The following NFIC variants were observed in gnomAD, a reference collection of about 807,000 sequenced individuals.
NFIC encodes nuclear factor I C, also known as nuclear factor 1 C-type.
A neutral mutation model predicts 54.4 loss-of-function variants in NFIC; 12 were observed. The ratio of observed to expected loss-of-function variants is 0.22; its 90% CI spans 0.14 to 0.36. The LOEUF (loss-of-function observed/expected upper bound fraction) is 0.36. NFIC is among the 10% of genes least tolerant of loss of function. NFIC has a pLI of 1.00. For missense variants in NFIC, 575 were observed against 718.2 expected, an observed-to-expected ratio of 0.80 and a Z score of 2.28; for synonymous variants, 322 against 319.2, an observed-to-expected ratio of 1.01 and a Z score of -0.09.
intron 2 of NFIC, among the ~76,000 whole-genome samples, chr19:3,419,813 A>AT (rs1333085704): frequency 6.9e-6 from 1 of 145,728 alleles, no homozygotes; most frequent in African/African-American, 2.5e-5. Flanking sequence ...AAAAAAAAAA[A>AT]TTTAATTTAA....
rs148812642 is a variant in NFIC at position 3,461,099 on chromosome 19, T to C, written c.1510-1653T>C. ...AAGATCGTGCCACTGCACTCCAGCC[T>C]GGTGACAAGAGCGTGACGCTGTCTC... On this transcript the variant is annotated intron_variant, in intron 10 of 10. Transcript: ENST00000443272. Among the ~76,000 whole-genome samples, 1,353 of 151,958 alleles carry C rather than the reference T, an allele frequency of 8.9e-3. 11 individuals carry two copies. The highest frequency in any genetic ancestry group is 0.015 in the Non-Finnish European group (1,049 of 67,968).
At chr19:3,454,607 C>A (rs2082523270) in intron 9 of NFIC, among the ~76,000 whole-genome samples, 1 of 151,902 alleles carries the variant, frequency 6.6e-6, no homozygotes, top group Non-Finnish European at 1.5e-5. Context: ...AGTGGCTCTA[C>A]CCCCAGACTC....
intron 4 of NFIC, 98 bp downstream of exon 4, chr19:3,433,690 C>A: frequency 7.6e-7 from 1 of 1,321,320 alleles, no homozygotes; most frequent in Non-Finnish European, 1.1e-6. Flanking sequence ...TTGTCCTTTC[C>A]AGACAACCCC....
Position 3,382,215 on chromosome 19 carries a change from C to A in NFIC, c.534C>A (p.Leu178=), listed in dbSNP as rs773822535. The change falls in exon 2 of 11, where the codon CTC becomes CTA. Residue 178 remains leucine (L), a synonymous_variant. Transcript: ENST00000443272. Reference sequence around the variant, plus strand: ...GCGTGGCCGTCAAGGAGCTGGACCTCTACCTGGCCTACTTCGTGCGTGAGC... The same window carrying A: ...GCGTGGCCGTCAAGGAGCTGGACCTATACCTGGCCTACTTCGTGCGTGAGC... ...HIGVAVKELD[L]YLAYFVRERD... is the part of the protein sequence containing the mutation. 37 of 1,606,076 alleles carry A rather than the reference C, an allele frequency of 2.3e-5. No individual in the cohort carries two copies. The South Asian group carries it at 4.1e-4, about 18-fold the overall frequency.
intron 10 of NFIC, among the ~76,000 whole-genome samples, chr19:3,457,491 G>A (rs1354566323): frequency 1.3e-5 from 2 of 152,108 alleles, no homozygotes; most frequent in East Asian, 1.9e-4. Context: ...GTGTGTGAGC[G>A]CGTCTTCGGG....
At chr19:3,402,882 G>C (rs1462733746) in intron 2 of NFIC, among the ~76,000 whole-genome samples, 1 of 152,194 alleles carries the variant, frequency 6.6e-6, no homozygotes, top group Non-Finnish European at 1.5e-5. Flanking sequence ...GAGTGAGGGG[G>C]AGAGAGGGAA....
At chr19:3,441,029 G>A (rs1470285997) in intron 6 of NFIC, among the ~76,000 whole-genome samples, 1 of 151,960 alleles carries the variant, frequency 6.6e-6, no homozygotes, top group African/African-American at 2.4e-5. Context: ...TGCCCAGGCT[G>A]GTCTTAAACT....
intron 6 of NFIC, among the ~76,000 whole-genome samples, chr19:3,441,097 A>T (rs1225912465): frequency 6.6e-6 from 1 of 152,184 alleles, no homozygotes; most frequent in Non-Finnish European, 1.5e-5. Context: ...GGTGTGAGCC[A>T]CCACACCCGG....
chr19:3,429,797 C>T (rs1423873686), intron 3 of NFIC, among the ~76,000 whole-genome samples: 4 of 152,200 alleles, frequency 2.6e-5, no homozygotes, highest in Non-Finnish European at 5.9e-5. Flanking sequence ...TGGCCTGCAA[C>T]TTGCCAAGTG....
At chr19:3,433,796 A>T (rs1251058348) in intron 4 of NFIC, among the ~76,000 whole-genome samples, 4 of 152,080 alleles carry the variant, frequency 2.6e-5, no homozygotes, top group Non-Finnish European at 2.9e-5. Flanking sequence ...AGGAAACAGA[A>T]TCTAAATGCT....
At chr19:3,420,533 C>A (rs987785971) in intron 2 of NFIC, among the ~76,000 whole-genome samples, 2 of 134,414 alleles carry the variant, frequency 1.5e-5, no homozygotes, top group Non-Finnish European at 3.2e-5. Context: ...AACAAGAGAA[C>A]AAGAGCGAGA....
At chr19:3,400,186 T>A (rs982575083) in intron 2 of NFIC, among the ~76,000 whole-genome samples, 2 of 152,090 alleles carry the variant, frequency 1.3e-5, no homozygotes, top group African/African-American at 4.8e-5. Flanking sequence ...AGATAAAAAT[T>A]CGGCCCTGGC....
In NFIC at chr19:3,368,891, TTCTC is replaced by T. The variant is rs570564683; in HGVS notation, c.30+2229_30+2232del. ...TCTCTTTTTGTCTGTCTTTCTCTCT[TTCTC>T]TCTGTCTTGCTCTGACTCTGTGTGT... On this transcript the variant is annotated intron_variant, in intron 1 of 10. Coordinates refer to ENST00000443272, the MANE Select transcript of NFIC (RefSeq NM_001245002.2). Among the ~76,000 whole-genome samples, 525 of 149,132 alleles carry T rather than the reference TTCTC, an allele frequency of 3.5e-3. 1 individual carries two copies. Among genetic ancestry groups the T allele is most frequent in the Non-Finnish European group, 5.1e-3 (343 of 67,600 alleles).
At position 3,370,193 on chromosome 19, in the gene NFIC, G is replaced by A. The variant is rs1409251638; in HGVS notation, c.30+3527G>A. ...AGTCAGAGAGGGCCAGGGCCTGCCC[G>A]AGGTGGCACAGTGGGGCTGGCAGAG... On this transcript the variant is annotated intron_variant, in intron 1 of 10. Transcript: ENST00000443272. The surrounding 1 kb of genome is among the most constrained non-coding windows in gnomAD (Gnocchi z 5.2). Among the ~76,000 whole-genome samples, 8 of 152,056 alleles carry A rather than the reference G, an allele frequency of 5.3e-5. No individual in the cohort carries two copies. Among genetic ancestry groups the A allele is most frequent in the Non-Finnish European group, 1.2e-4 (8 of 67,984 alleles).
intron 2 of NFIC, among the ~76,000 whole-genome samples, chr19:3,418,025 C>G (rs1661291531): frequency 6.6e-6 from 1 of 151,906 alleles, no homozygotes; most frequent in Non-Finnish European, 1.5e-5. Flanking sequence ...TTGGTCACCA[C>G]CAGCCACGTG....
chr19:3,399,134 G>A lies in NFIC; in HGVS notation c.562+16891G>A, dbSNP rs573889003. ...GCACAGTGGGGCAATGCAGGAAGAC[G>A]TGAGGTCCTGGAGGGTCCTGGCCCT... On this transcript the variant is annotated intron_variant, in intron 2 of 10. Transcript: ENST00000443272. Among the ~76,000 whole-genome samples, 12 of 152,296 alleles carry A rather than the reference G, an allele frequency of 7.9e-5. No homozygotes were observed. In the East Asian group the frequency reaches 2.1e-3, roughly 27 times the overall value.
intron 2 of NFIC, among the ~76,000 whole-genome samples, chr19:3,398,837 T>C (rs2081508298): frequency 6.6e-6 from 1 of 152,210 alleles, no homozygotes; most frequent in African/African-American, 2.4e-5. Flanking sequence ...GGGGAGGCTC[T>C]TAAAGGGACC....
At chr19:3,401,066 C>G (rs1047849412) in intron 2 of NFIC, among the ~76,000 whole-genome samples, 1 of 152,134 alleles carries the variant, frequency 6.6e-6, no homozygotes, top group South Asian at 2.1e-4. Flanking sequence ...GGGCACAGCC[C>G]GTGCAAAGGC....
At chr19:3,430,865 T>C (rs1439383954) in intron 3 of NFIC, among the ~76,000 whole-genome samples, 5 of 146,500 alleles carry the variant, frequency 3.4e-5, no homozygotes, top group African/African-American at 7.7e-5. Flanking sequence ...CTGGGAGGCA[T>C]AGGTTGCAGT....
Sources: allele counts gnomAD v4.1 joint callset (sites outside exome capture counted in the v4.1 genomes callset), GRCh38; gene constraint gnomAD v4.1.1; non-coding constraint Gnocchi (gnomAD v3.1); transcripts MANE v1.5; gene names NCBI Gene and HGNC (gene_info 2026-07-23, HGNC 2026-07-21).